Variants in MTOR observed in about 807,000 individuals in gnomAD.
MTOR encodes the protein serine/threonine-protein kinase mTOR.
MTOR carries 70 observed loss-of-function variants against 319.8 expected under a neutral mutation model. The ratio of observed to expected loss-of-function variants is 0.22; its 90% CI spans 0.18 to 0.27. The LOEUF (loss-of-function observed/expected upper bound fraction) is 0.27, where lower values mean the gene tolerates loss of function less well. Ranked by LOEUF, MTOR falls within the 10% of genes least tolerant of loss-of-function variation. The pLI is 1.00. For synonymous variants in MTOR, 1,183 were observed against 1,211.4 expected (o/e 0.98, Z 0.49); for missense variants, 1,890 against 3,274.4 (o/e 0.58, Z 10.32).
At chr1:11,134,289 G>A in intron 37 of MTOR, 62 bp downstream of exon 37, 3 of 1,486,072 alleles carry the variant, frequency 2.0e-6, no homozygotes, top group Non-Finnish European at 1.9e-6. Context: ...CCTCCTTGCT[G>A]CAGAAGCTGC....
At chr1:11,245,594 TA>T (rs1262756717) in intron 8 of MTOR, among the ~76,000 whole-genome samples, 1 of 151,936 alleles carries the variant, frequency 6.6e-6, no homozygotes, top group Non-Finnish European at 1.5e-5. Context: ...GGAAACGGGG[TA>T]AAATCAAGAG....
intron 1 of MTOR, among the ~76,000 whole-genome samples, chr1:11,261,331 G>A (rs934912279): frequency 6.6e-6 from 1 of 151,134 alleles, no homozygotes; most frequent in African/African-American, 2.4e-5. Flanking sequence ...AAAATTAGCC[G>A]TATGGTGGCG....
intron 31 of MTOR, 25 bp downstream of exon 31, chr1:11,150,101 A>C: frequency 6.2e-7 from 1 of 1,606,266 alleles, no homozygotes; most frequent in Non-Finnish European, 8.5e-7. Flanking sequence ...CATCCTTCAC[A>C]GGGTGCCTGT....
rs2100403601 is a variant in MTOR at position 11,127,210 on chromosome 1, C to G, written c.6217-66G>C. On this transcript the variant is annotated intron_variant, in intron 44 of 57. Coordinates refer to ENST00000361445, the MANE Select transcript of MTOR (RefSeq NM_004958.4). The surrounding 1 kb of genome is among the most constrained non-coding windows in gnomAD (Gnocchi z 5.5). ...TCAACCAACCCAGGAGGCAAAATCC[C>G]CAGGCTGACTGCAGATATTCCTCAG... 2.5e-6 allele frequency: 4 copies of G among 1,598,492 alleles called. No homozygotes were observed. In the South Asian group the frequency reaches 4.5e-5, roughly 18 times the overall value.
chr1:11,160,075 C>CATTTATTTATTTATTT (rs70977549), intron 29 of MTOR, among the ~76,000 whole-genome samples: 2,375 of 143,396 alleles, frequency 0.017, 36 homozygotes, highest in East Asian at 0.024. Flanking sequence ...TCAATTATAG[C>CATTTATTTATTTATTT]ATTTATTTAT....
rs915171703 is a variant in MTOR at position 11,129,164 on chromosome 1, C to T, written c.5715-213G>A. On this transcript the variant is annotated intron_variant, in intron 40 of 57. Coordinates refer to ENST00000361445, the MANE Select transcript of MTOR (RefSeq NM_004958.4). This position sits in a 1 kb window ranked among gnomAD's most constrained non-coding sequence, Gnocchi z 4.7. ...AGTCACCCTGAGCAAATGAGCATTTCATCCCAGGTCACCGAGGGGTCACCA... is the reference window on the plus strand; with the variant it reads ...AGTCACCCTGAGCAAATGAGCATTTTATCCCAGGTCACCGAGGGGTCACCA... 3.3e-5 allele frequency among the ~76,000 whole-genome samples: 5 copies of T among 152,176 alleles called. No homozygotes were observed. Among genetic ancestry groups the T allele is most frequent in the African/African-American group, 9.7e-5 (4 of 41,428 alleles).
chr1:11,191,687 G>A (rs1347321369), intron 28 of MTOR, among the ~76,000 whole-genome samples: 1 of 152,138 alleles, frequency 6.6e-6, no homozygotes, highest in African/African-American at 2.4e-5. Flanking sequence ...CAAAACTTCT[G>A]GGAGGAAGGC....
chr1:11,139,405 G>A lies in MTOR; in HGVS notation c.5029C>T (p.Leu1677=). 6.2e-7 allele frequency: 1 copy of A among 1,614,064 alleles called. No homozygotes were observed. The highest frequency in any genetic ancestry group is 8.5e-7 in the Non-Finnish European group (1 of 1,179,994). The change falls in exon 36 of 58, where the codon CTG becomes TTG. Residue 1677 remains leucine (L), a synonymous_variant. Coordinates refer to ENST00000361445, the MANE Select transcript of MTOR (RefSeq NM_004958.4). ...ALAHKTLVLL[L]GVDPSRQLDH... is the part of the protein sequence containing the mutation. ...AGTTGCCGAGACGGATCAACTCCCA[G>A]GAGCAACACTAAAGTTTTATGAGCA...
At chr1:11,163,083 G>A (rs1312832360) in intron 29 of MTOR, among the ~76,000 whole-genome samples, 2 of 152,154 alleles carry the variant, frequency 1.3e-5, no homozygotes, top group Non-Finnish European at 2.9e-5. Context: ...TAAAGGGATG[G>A]AGGAAGATCT....
chr1:11,187,015 A>G (rs1285845139), intron 28 of MTOR, among the ~76,000 whole-genome samples: 2 of 152,064 alleles, frequency 1.3e-5, no homozygotes, highest in African/African-American at 4.8e-5. Flanking sequence ...AAACTTACGA[A>G]CCTCCTCCTA....
chr1:11,159,541 T>C (rs1473574670), intron 29 of MTOR, among the ~76,000 whole-genome samples: 1 of 151,748 alleles, frequency 6.6e-6, no homozygotes, highest in Non-Finnish European at 1.5e-5. Flanking sequence ...CTTGGGAGGC[T>C]GAGGCAGGAG....
At chr1:11,223,666 CA>C (rs1269596737) in intron 19 of MTOR, among the ~76,000 whole-genome samples, 27 of 151,964 alleles carry the variant, frequency 1.8e-4, no homozygotes, top group African/African-American at 6.5e-4. Flanking sequence ...AAGGCTCAAA[CA>C]AATCCAGAAA....
chr1:11,181,075 G>A lies in MTOR; in HGVS notation c.4254-13558C>T, dbSNP rs76308294. Among the ~76,000 whole-genome samples, 25 of 152,200 alleles carry A rather than the reference G, an allele frequency of 1.6e-4. 1 individual carries two copies. In the East Asian group the frequency reaches 4.8e-3, roughly 29 times the overall value. Reference sequence around the variant, plus strand: ...CAGGCATGAGCCACCTTGCCCGCCCGAAATAAGGCAGTTTTTATGGGGACA... The same window carrying A: ...CAGGCATGAGCCACCTTGCCCGCCCAAAATAAGGCAGTTTTTATGGGGACA... On this transcript the variant is annotated intron_variant, in intron 28 of 57. Coordinates refer to ENST00000361445, the MANE Select transcript of MTOR (RefSeq NM_004958.4).
At chr1:11,258,447 G>T in intron 3 of MTOR, 38 bp downstream of exon 3, 1 of 1,392,938 alleles carries the variant, frequency 7.2e-7, no homozygotes, top group Non-Finnish European at 1.0e-6. Context: ...GCACAAAGGT[G>T]AGTGTGTTGT....
chr1:11,126,950 A>G (rs2100399628), intron 45 of MTOR, 60 bp downstream of exon 45: 1 of 1,601,456 alleles, frequency 6.2e-7, no homozygotes, highest in Non-Finnish European at 8.5e-7. Context: ...ACATTCATAG[A>G]CAGTAAAACA....
intron 31 of MTOR, among the ~76,000 whole-genome samples, chr1:11,147,297 G>C (rs1358128912): frequency 6.6e-6 from 1 of 152,188 alleles, no homozygotes; most frequent in Non-Finnish European, 1.5e-5. Flanking sequence ...CAATATCTTT[G>C]CCTCAGGAGG....
At chr1:11,238,738 A>C in intron 11 of MTOR, 121 bp from the exon 12 acceptor site, 1 of 749,510 alleles carries the variant, frequency 1.3e-6, no homozygotes, top group East Asian at 2.7e-5. Flanking sequence ...CTAGATATTG[A>C]TCAATACGAT....
chr1:11,150,077 A>G (rs772236301), intron 31 of MTOR, 49 bp downstream of exon 31: 4 of 1,537,298 alleles, frequency 2.6e-6, no homozygotes, highest in Admixed American at 3.3e-5. Context: ...GCGAGCCCCT[A>G]GCCTCACTCA....
rs1048451754 is a variant in MTOR, at chr1:11,133,320, T to C, written c.5247-123A>G. 64 of 873,730 alleles carry C rather than the reference T, an allele frequency of 7.3e-5. No homozygotes were observed. Among genetic ancestry groups the C allele is most frequent in the South Asian group, 1.6e-5 (1 of 62,372 alleles). The allele number at this position is 873,730 out of a possible 1,614,324, so 54.1% of individuals were successfully genotyped here. A position where few individuals can be genotyped will look rare whatever the true frequency, so the allele number is the denominator to read the frequency against. ...ATTTCCTCTTATTCTCAAGAGGCAA[T>C]GTGAAGGAGCTAGCAAAATTTTCAG... On this transcript the variant is annotated intron_variant, in intron 37 of 57. Transcript: ENST00000361445. The surrounding 1 kb of genome is among the most constrained non-coding windows in gnomAD (Gnocchi z 4.0).
Sources: gnomAD v4.1 joint callset for allele counts (sites outside exome capture counted in the v4.1 genomes callset) on GRCh38, gnomAD v4.1.1 for gene constraint, Gnocchi (gnomAD v3.1) non-coding constraint, MANE v1.5 for transcripts, NCBI Gene and HGNC (gene_info 2026-07-23, HGNC 2026-07-21) for gene names.